The following SETD5 variants were observed in gnomAD, a reference collection of about 807,000 sequenced individuals.
SETD5 encodes the protein SET domain containing 5, also known as histone-lysine N-methyltransferase SETD5.
Under a neutral mutation model 153.3 loss-of-function variants are expected in SETD5, and 44 were observed. The ratio of observed to expected loss-of-function variants is 0.29; its 90% CI spans 0.23 to 0.37. The LOEUF is 0.37. SETD5 is among the 10% of genes least tolerant of loss of function. The probability of loss-of-function intolerance (pLI) is 1.00; values close to 1 mark genes in which losing one functional copy is unlikely to be tolerated. For missense variants in SETD5, 1,544 were observed against 1,768.0 expected, an observed-to-expected ratio of 0.87 and a Z score of 2.27; for synonymous variants, 716 against 645.2, an observed-to-expected ratio of 1.11 and a Z score of -1.66.
intron 8 of SETD5, among the ~76,000 whole-genome samples, chr3:9,441,150 A>G (rs1026938043): frequency 9.2e-5 from 14 of 152,140 alleles, no homozygotes; most frequent in African/African-American, 2.7e-4. Flanking sequence ...TTGAGGTTAT[A>G]GTAAGCTATG....
At chr3:9,472,705 TCTC>T (rs1450425356) in intron 19 of SETD5, among the ~76,000 whole-genome samples, 1 of 152,048 alleles carries the variant, frequency 6.6e-6, no homozygotes, top group Non-Finnish European at 1.5e-5. Context: ...TCTCCCTCTC[TCTC>T]TCCACCTACC....
At chr3:9,420,621 CCAAT>C (rs1314238839) in intron 1 of SETD5, among the ~76,000 whole-genome samples, 23 of 152,072 alleles carry the variant, frequency 1.5e-4, no homozygotes, top group Admixed American at 1.4e-3. Context: ...AGTGCTTACC[CCAAT>C]CAGTGTTTCT....
At chr3:9,414,989 CTG>C (rs1164151850) in intron 1 of SETD5, among the ~76,000 whole-genome samples, 4 of 152,040 alleles carry the variant, frequency 2.6e-5, no homozygotes, top group African/African-American at 4.8e-5. Context: ...CTGAGATAGT[CTG>C]TGTTTTGCTT....
intron 7 of SETD5, 129 bp from the exon 8 acceptor site, chr3:9,440,327 T>C: frequency 3.2e-6 from 2 of 623,612 alleles, no homozygotes; most frequent in Non-Finnish European, 5.8e-6. Flanking sequence ...TCCCAGTCCA[T>C]TACTCTTTTA....
In SETD5 at chr3:9,434,820, T is replaced by G. The variant is rs1188352257; in HGVS notation, c.330-4T>G. The G allele has an allele frequency of 6.2e-7, 1 of 1,612,570 alleles. No homozygotes were observed. The highest frequency in any genetic ancestry group is 8.5e-7 in the Non-Finnish European group (1 of 1,179,418). On this transcript the variant is annotated splice_polypyrimidine_tract_variant and splice_region_variant and intron_variant, in intron 5 of 22. Coordinates refer to ENST00000402198, the MANE Select transcript of SETD5 (RefSeq NM_001080517.3). The surrounding 1 kb of genome is among the most constrained non-coding windows in gnomAD (Gnocchi z 5.6). Reference sequence around the variant, plus strand: ...ACTACTTTAAGTTTATTTTCCCTCTTTAGGGGAATGAGCAGGGGGAAGGTT... The same window carrying G: ...ACTACTTTAAGTTTATTTTCCCTCTGTAGGGGAATGAGCAGGGGGAAGGTT...
At chr3:9,428,149 GCCT>G (rs1485298839) in intron 2 of SETD5, among the ~76,000 whole-genome samples, 17 of 152,188 alleles carry the variant, frequency 1.1e-4, no homozygotes, top group African/African-American at 4.1e-4. Flanking sequence ...CGCATGCATA[GCCT>G]CCTCCTGGTT....
chr3:9,429,110 G>C (rs2125045987), intron 3 of SETD5, 101 bp downstream of exon 3: 3 of 733,534 alleles, frequency 4.1e-6, no homozygotes, highest in Non-Finnish European at 6.7e-6. Flanking sequence ...TTCTTAACCA[G>C]ATCCTATTCC....
chr3:9,418,798 C>T (rs544541063), intron 1 of SETD5, among the ~76,000 whole-genome samples: 6 of 144,360 alleles, frequency 4.2e-5, no homozygotes, highest in Admixed American at 2.1e-4. Flanking sequence ...AGCGAAACTC[C>T]GTCTCAAAAA....
At chr3:9,400,073 G>C (rs1160295490) in intron 1 of SETD5, among the ~76,000 whole-genome samples, 1 of 152,236 alleles carries the variant, frequency 6.6e-6, no homozygotes, top group Non-Finnish European at 1.5e-5. Context: ...TCAGGACTAA[G>C]AAGAAACCTT....
chr3:9,428,283 G>A (rs1331306827), intron 2 of SETD5, among the ~76,000 whole-genome samples: 2 of 152,150 alleles, frequency 1.3e-5, no homozygotes, highest in Admixed American at 1.3e-4. Flanking sequence ...AGTGTTCAAT[G>A]ACAAAAGAAG....
chr3:9,457,563 A>T (rs189475732), intron 17 of SETD5, among the ~76,000 whole-genome samples: 4 of 150,864 alleles, frequency 2.7e-5, no homozygotes, highest in African/African-American at 7.3e-5. Flanking sequence ...ATATATAAAA[A>T]GTGTAAATAT....
intron 3 of SETD5, 57 bp from the exon 4 acceptor site, chr3:9,433,788 A>T: frequency 1.3e-6 from 2 of 1,520,968 alleles, no homozygotes; most frequent in East Asian, 2.3e-5. Flanking sequence ...ATGAAGTGTT[A>T]GTTTAAGGGA....
Position 9,475,628 on chromosome 3 carries a change from C to G in SETD5, c.3866C>G (p.Ser1289Cys). Reference sequence around the variant, plus strand: ...CCTGGAAACCCCCCCTCTCACGGTTCTTCAGAATCATCCCTCTCTTCCACG... The same window carrying G: ...CCTGGAAACCCCCCCTCTCACGGTTGTTCAGAATCATCCCTCTCTTCCACG... ...LRPGNPPSHGSSESSLSSTSY... is the reference protein window; with the variant it reads ...LRPGNPPSHGCSESSLSSTSY... The change falls in exon 23 of 23, where the codon TCT (serine) becomes TGT (cysteine). Residue 1289 changes from serine (S) to cysteine (C), a missense_variant. Coordinates refer to ENST00000402198, the MANE Select transcript of SETD5 (RefSeq NM_001080517.3). 6.2e-7 allele frequency: 1 copy of G among 1,613,992 alleles called. No individual in the cohort carries two copies. Among genetic ancestry groups the G allele is most frequent in the Non-Finnish European group, 8.5e-7 (1 of 1,179,894 alleles).
intron 1 of SETD5, among the ~76,000 whole-genome samples, chr3:9,400,405 T>C (rs1239622524): frequency 2.0e-5 from 3 of 152,348 alleles, no homozygotes; most frequent in Non-Finnish European, 4.4e-5. Flanking sequence ...AATTTTTTCC[T>C]GCAGCTCACA....
intron 3 of SETD5, 56 bp from the exon 4 acceptor site, chr3:9,433,789 G>C: frequency 1.3e-6 from 2 of 1,546,392 alleles, no homozygotes; most frequent in Non-Finnish European, 1.8e-6. Context: ...TGAAGTGTTA[G>C]TTTAAGGGAA....
intron 13 of SETD5, 25 bp from the exon 14 acceptor site, chr3:9,447,025 C>G (rs2042100293): frequency 6.4e-7 from 1 of 1,571,670 alleles, no homozygotes; most frequent in Admixed American, 2.0e-5. Flanking sequence ...AAGCTTCCTT[C>G]TACACCAGTA....
intron 9 of SETD5, 53 bp downstream of exon 9, chr3:9,441,794 GTGT>G: frequency 5.6e-6 from 9 of 1,607,578 alleles, no homozygotes; most frequent in Non-Finnish European, 7.7e-6. Flanking sequence ...TGGTTGACCA[GTGT>G]TGTTGTAAAA....
chr3:9,453,776 AAAC>A lies in SETD5; in HGVS notation c.2386_2388del (p.Thr796del). 1 of 1,607,538 alleles carries A rather than the reference AAAC, an allele frequency of 6.2e-7. No individual in the cohort carries two copies. Among genetic ancestry groups the A allele is most frequent in the Non-Finnish European group, 8.5e-7 (1 of 1,178,306 alleles). On this transcript the variant is annotated inframe_deletion, in exon 17 of 23. Transcript: ENST00000402198. ...CAAGCCTTAGAAGAAGGGATGACTC[AAAC>A]ATCATCTGTACCCCAAGAGACTAGA...
chr3:9,448,283 C>G (rs137938459), intron 15 of SETD5, 105 bp from the exon 16 acceptor site: 11 of 1,471,036 alleles, frequency 7.5e-6, no homozygotes, highest in Non-Finnish European at 1.0e-5. Flanking sequence ...ATTCTTACTG[C>G]AGCTGCTGCA....
Sources: allele counts gnomAD v4.1 joint callset (sites outside exome capture counted in the v4.1 genomes callset), GRCh38; gene constraint gnomAD v4.1.1; non-coding constraint Gnocchi (gnomAD v3.1); transcripts MANE v1.5; gene names NCBI Gene and HGNC (gene_info 2026-07-23, HGNC 2026-07-21).